EXOC4: variants seen among roughly 807,000 people sequenced by gnomAD.
EXOC4 encodes SEC8-like 1.
In EXOC4, 71 loss-of-function variants were observed where a neutral mutation model predicts 107.2. The observed-to-expected ratio is 0.66, with a 90% CI of 0.55 to 0.81. The LOEUF is 0.81. EXOC4 is among the 30% of genes least tolerant of loss of function. The pLI, the probability that EXOC4 is intolerant of heterozygous loss-of-function variation, is 0.00. For synonymous variants in EXOC4, 456 were observed against 441.2 expected, an observed-to-expected ratio of 1.03 and a Z score of -0.42; for missense variants, 1,108 against 1,189.6, an observed-to-expected ratio of 0.93 and a Z score of 1.01.
At chr7:133,774,899 G>T (rs532185275) in intron 10 of EXOC4, among the ~76,000 whole-genome samples, 1 of 150,144 alleles carries the variant, frequency 6.7e-6, no homozygotes, top group East Asian at 2.0e-4. Context: ...TTGCTCCCCC[G>T]CCCCTCCCCC....
chr7:133,489,514 A>G (rs1051451423), intron 9 of EXOC4, among the ~76,000 whole-genome samples: 2 of 152,154 alleles, frequency 1.3e-5, no homozygotes, highest in Non-Finnish European at 2.9e-5. Context: ...CGAGTACTGT[A>G]CCTTAAGTCG....
At chr7:133,468,494 T>G (rs1290780579) in intron 7 of EXOC4, among the ~76,000 whole-genome samples, 1 of 152,244 alleles carries the variant, frequency 6.6e-6, no homozygotes, top group Non-Finnish European at 1.5e-5. Context: ...AAAATGGACA[T>G]TCTAATTTAA....
intron 7 of EXOC4, among the ~76,000 whole-genome samples, chr7:133,376,305 A>G (rs1396006261): frequency 6.6e-6 from 1 of 152,188 alleles, no homozygotes; most frequent in Admixed American, 6.5e-5. Context: ...ATTGAATAAA[A>G]TATCTTTATG....
chr7:133,582,202 C>T (rs548698550), intron 9 of EXOC4, among the ~76,000 whole-genome samples: 1 of 152,198 alleles, frequency 6.6e-6, no homozygotes, highest in African/African-American at 2.4e-5. Context: ...TGTTTAGCTC[C>T]CACTGATAAG....
intron 12 of EXOC4, among the ~76,000 whole-genome samples, chr7:133,906,104 A>G (rs915020915): frequency 1.3e-5 from 2 of 152,168 alleles, no homozygotes; most frequent in South Asian, 2.1e-4. Context: ...AGGTCTTGGT[A>G]AGAAGGAGTA....
intron 9 of EXOC4, among the ~76,000 whole-genome samples, chr7:133,517,334 A>G (rs1799895972): frequency 6.6e-6 from 1 of 152,200 alleles, no homozygotes; most frequent in Non-Finnish European, 1.5e-5. Context: ...TTGTCTGTTG[A>G]GATGGGAAAA....
chr7:133,285,761 GT>G (rs58845105), intron 2 of EXOC4, among the ~76,000 whole-genome samples: 45,290 of 140,680 alleles, frequency 0.32, 7,996 homozygotes, highest in African/African-American at 0.52. Context: ...CTTCTTTTTT[GT>G]TTTTTTTTTT....
chr7:133,646,706 A>G (rs943415870), intron 10 of EXOC4, among the ~76,000 whole-genome samples: 3 of 152,208 alleles, frequency 2.0e-5, no homozygotes, highest in African/African-American at 7.2e-5. Context: ...GCTCTTCAAA[A>G]TATAATTAGC....
chr7:133,422,151 G>C (rs964006080), intron 7 of EXOC4, among the ~76,000 whole-genome samples: 3 of 152,090 alleles, frequency 2.0e-5, no homozygotes, highest in African/African-American at 7.2e-5. Flanking sequence ...CATCATTTTT[G>C]CTTACGCCTC....
intron 2 of EXOC4, among the ~76,000 whole-genome samples, chr7:133,283,487 A>G (rs150401741): frequency 6.6e-6 from 1 of 152,146 alleles, no homozygotes; most frequent in Non-Finnish European, 1.5e-5. Flanking sequence ...GGGAGTGCAG[A>G]TATCTTTTTG....
chr7:133,414,493 G>A (rs1474117039), intron 7 of EXOC4, among the ~76,000 whole-genome samples: 4 of 152,102 alleles, frequency 2.6e-5, no homozygotes, highest in Non-Finnish European at 5.9e-5. Context: ...GTCACACATA[G>A]AAATAAAAGA....
chr7:133,638,971 T>C (rs1238629634), intron 10 of EXOC4, among the ~76,000 whole-genome samples: 1 of 152,240 alleles, frequency 6.6e-6, no homozygotes, highest in African/African-American at 2.4e-5. Context: ...ATTTGTATGC[T>C]GCTTTTTATG....
intron 9 of EXOC4, among the ~76,000 whole-genome samples, chr7:133,540,182 A>G (rs1436908898): frequency 6.6e-6 from 1 of 152,178 alleles, no homozygotes; most frequent in African/African-American, 2.4e-5. Context: ...CACCTGCTTC[A>G]CTAATGCAAT....
At chr7:133,753,069 A>G (rs1795826860) in intron 10 of EXOC4, among the ~76,000 whole-genome samples, 1 of 152,224 alleles carries the variant, frequency 6.6e-6, no homozygotes, top group Non-Finnish European at 1.5e-5. Context: ...ATCCTGAGGA[A>G]TATTCTTGAT....
intron 10 of EXOC4, among the ~76,000 whole-genome samples, chr7:133,675,845 G>A (rs917715415): frequency 6.6e-6 from 1 of 152,112 alleles, no homozygotes; most frequent in Non-Finnish European, 1.5e-5. Context: ...AAATTGAGAT[G>A]AAATATGCCA....
chr7:133,273,443 T>G (rs1793920207), intron 1 of EXOC4, among the ~76,000 whole-genome samples: 1 of 152,336 alleles, frequency 6.6e-6, no homozygotes, highest in Admixed American at 6.5e-5. Flanking sequence ...AATCAAGTCT[T>G]GTGGTTCCCA....
intron 11 of EXOC4, among the ~76,000 whole-genome samples, chr7:133,858,642 T>A (rs1798470108): frequency 6.6e-6 from 1 of 152,142 alleles, no homozygotes. Context: ...CATAATTTTA[T>A]TGGAAACTTC....
At chr7:133,909,711 G>A (rs1371755472) in intron 12 of EXOC4, among the ~76,000 whole-genome samples, 1 of 152,124 alleles carries the variant, frequency 6.6e-6, no homozygotes, top group African/African-American at 2.4e-5. Flanking sequence ...GTTTTCATGT[G>A]CAGTCAGGAT....
At chr7:133,618,691 G>A (rs944831499) in intron 9 of EXOC4, among the ~76,000 whole-genome samples, 1 of 152,110 alleles carries the variant, frequency 6.6e-6, no homozygotes, top group Non-Finnish European at 1.5e-5. Flanking sequence ...TTTGATTGTA[G>A]ATATGTAGGA....
Sources: allele counts gnomAD v4.1 joint callset (sites outside exome capture counted in the v4.1 genomes callset), GRCh38; gene constraint gnomAD v4.1.1; transcripts MANE v1.5; gene names NCBI Gene and HGNC (gene_info 2026-07-23, HGNC 2026-07-21).